Variants in PVR observed in about 807,000 individuals in gnomAD.
PVR encodes poliovirus receptor.
Under a neutral mutation model 43.3 loss-of-function variants are expected in PVR, and 39 were observed. The ratio of observed to expected loss-of-function variants is 0.90; its 90% confidence interval spans 0.70 to 1.18. The LOEUF (loss-of-function observed/expected upper bound fraction) is 1.18, where lower values mean the gene tolerates loss of function less well. Ranked by LOEUF, PVR falls within the 50% of genes most tolerant of loss-of-function variation. The pLI is 0.00. For missense variants in PVR, 480 were observed against 549.7 expected, an observed-to-expected ratio of 0.87 and a Z score of 1.27; for synonymous variants, 224 against 233.2, an observed-to-expected ratio of 0.96 and a Z score of 0.36.
intron 4 of PVR, 75 bp from the exon 5 acceptor site, chr19:44,657,687 A>C: frequency 6.7e-7 from 1 of 1,503,642 alleles, no homozygotes; most frequent in Non-Finnish European, 9.2e-7. Flanking sequence ...GTTTCTGGGC[A>C]CGTAGTGCGT....
intron 3 of PVR, among the ~76,000 whole-genome samples, chr19:44,650,948 C>T (rs1180476280): frequency 6.6e-6 from 1 of 151,958 alleles, no homozygotes; most frequent in Non-Finnish European, 1.5e-5. Context: ...ATGGTTCCTA[C>T]AGCCTCACCC....
Position 44,665,993 on chromosome 19 carries a change from G to A in PVR, c.*4182G>A, listed in dbSNP as rs963662648. 5 of 152,320 alleles carry A rather than the reference G, an allele frequency of 3.3e-5. No individual in the cohort carries two copies. The highest frequency in any genetic ancestry group is 1.2e-4 in the African/African-American group (5 of 41,452). 9.4% of individuals were successfully genotyped at this position (152,320 alleles called of 1,614,324 possible). A position where few individuals can be genotyped will look rare whatever the true frequency, so the allele number is the denominator to read the frequency against. On this transcript the variant is annotated 3_prime_UTR_variant, in exon 8 of 8. Coordinates refer to ENST00000425690, the MANE Select transcript of PVR (RefSeq NM_006505.5). ...CTGGACCAAACAGGACCTGCCCTCT[G>A]GGGCTGGGGAGAGGCCCAGATGAAG...
At chr19:44,651,362 C>T (rs1973275324) in intron 3 of PVR, among the ~76,000 whole-genome samples, 1 of 152,162 alleles carries the variant, frequency 6.6e-6, no homozygotes, top group Non-Finnish European at 1.5e-5. Flanking sequence ...CACTGGTTCT[C>T]CTAGGCACTC....
At position 44,661,787 on chromosome 19, in the gene PVR, T is replaced by C; in HGVS notation, c.1230T>C (p.Asp410=). 6.2e-7 allele frequency: 1 copy of C among 1,613,976 alleles called. No homozygotes were observed. Among genetic ancestry groups the C allele is most frequent in the East Asian group, 2.2e-5 (1 of 44,880 alleles). The change falls in exon 8 of 8, where the codon GAT becomes GAC. Residue 410 remains aspartate (D), a synonymous_variant. Coordinates refer to ENST00000425690, the MANE Select transcript of PVR (RefSeq NM_006505.5). ...AVSRENSSSQ[D]PQTEGTR ...GCAGAGAGAACAGCTCTTCCCAGGATCCACAGACAGAGGGCACAAGGTGAC... is the reference window on the plus strand; with the variant it reads ...GCAGAGAGAACAGCTCTTCCCAGGACCCACAGACAGAGGGCACAAGGTGAC...
At chr19:44,659,931 G>T (rs1389593452) in intron 6 of PVR, among the ~76,000 whole-genome samples, 2 of 152,202 alleles carry the variant, frequency 1.3e-5, no homozygotes, top group Non-Finnish European at 2.9e-5. Context: ...GAAGAAGCCA[G>T]ATCTTTGACT....
At chr19:44,646,237 C>T (rs1018569988) in intron 1 of PVR, among the ~76,000 whole-genome samples, 9 of 152,158 alleles carry the variant, frequency 5.9e-5, no homozygotes, top group South Asian at 2.1e-4. Context: ...AGCTCCACAG[C>T]AGAAAACTGA....
chr19:44,654,897 C>T (rs1973397949), intron 4 of PVR, among the ~76,000 whole-genome samples: 1 of 152,120 alleles, frequency 6.6e-6, no homozygotes, highest in Non-Finnish European at 1.5e-5. Flanking sequence ...CTTGTGTAAC[C>T]TACTTGGTTA....
chr19:44,646,457 G>A (rs1388358699), intron 1 of PVR, among the ~76,000 whole-genome samples: 1 of 152,108 alleles, frequency 6.6e-6, no homozygotes, highest in Non-Finnish European at 1.5e-5. Context: ...TGAAACCTAC[G>A]ACACTGGTGC....
At chr19:44,647,056 G>T (rs908761058) in intron 1 of PVR, among the ~76,000 whole-genome samples, 167 bp from the exon 2 acceptor site, 1 of 152,144 alleles carries the variant, frequency 6.6e-6, no homozygotes, top group Non-Finnish European at 1.5e-5. Context: ...CGCCTGCCAT[G>T]GCCCCAACTA....
At chr19:44,644,865 G>A (rs1973034310) in intron 1 of PVR, among the ~76,000 whole-genome samples, 1 of 147,174 alleles carries the variant, frequency 6.8e-6, no homozygotes, top group Non-Finnish European at 1.5e-5. Flanking sequence ...ACAGACATGT[G>A]CCACTATGCC....
intron 4 of PVR, among the ~76,000 whole-genome samples, chr19:44,655,518 A>G (rs1973419061): frequency 6.6e-6 from 1 of 152,222 alleles, no homozygotes; most frequent in African/African-American, 2.4e-5. Context: ...AGAAATACCC[A>G]GTGACCCCTT....
In PVR at chr19:44,645,413, G is replaced by GTATATATATATATATA. The variant is rs1278079157; in HGVS notation, c.79+1239_79+1240insATATATATATATATAT. ...ATTTTATTATTTATTTATATGTTTT[G>GTATATATATATATATA]TGTATATATATATATATATATATAT... On this transcript the variant is annotated intron_variant, in intron 1 of 7. Transcript: ENST00000425690. 2.4e-3 allele frequency among the ~76,000 whole-genome samples: 127 copies of GTATATATATATATATA among 52,034 alleles called. 4 individuals carry two copies. Among genetic ancestry groups the GTATATATATATATATA allele is most frequent in the African/African-American group, 0.011 (121 of 11,042 alleles). The allele number at this position is 52,034 out of a possible 152,430, so 34.1% of individuals were successfully genotyped here.
intron 3 of PVR, among the ~76,000 whole-genome samples, chr19:44,651,329 A>G (rs1006304221): frequency 6.6e-6 from 1 of 152,128 alleles, no homozygotes; most frequent in African/African-American, 2.4e-5. Context: ...ACCACTGTCT[A>G]TGTAAACACC....
rs1762336852 is a variant in PVR, at chr19:44,643,927, T to C, written c.-170T>C. 1.9e-6 allele frequency: 1 copy of C among 517,960 alleles called. No individual in the cohort carries two copies. Among genetic ancestry groups the C allele is most frequent in the South Asian group, 2.3e-5 (1 of 42,700 alleles). 32.1% of individuals were successfully genotyped at this position (517,960 alleles called of 1,614,324 possible). A position where few individuals can be genotyped will look rare whatever the true frequency, so the allele number is the denominator to read the frequency against. Reference sequence around the variant, plus strand: ...TCCGCTCCAGTCACTTGTCTGGAGCTTGAAGAAGTGGGTATTCCCCTTCCC... The same window carrying C: ...TCCGCTCCAGTCACTTGTCTGGAGCCTGAAGAAGTGGGTATTCCCCTTCCC... On this transcript the variant is annotated 5_prime_UTR_variant, in exon 1 of 8. Transcript: ENST00000425690.
chr19:44,661,165 A>C, intron 6 of PVR, 127 bp from the exon 7 acceptor site: 1 of 837,206 alleles, frequency 1.2e-6, no homozygotes, highest in Non-Finnish European at 2.0e-6. Context: ...CATTAAGGGA[A>C]ATGGCACCCC....
rs1180104037 is a variant in PVR at position 44,666,050 on chromosome 19, G to A, written c.*4239G>A. The A allele has an allele frequency of 6.6e-6, 1 of 152,230 alleles. No homozygotes were observed. The highest frequency in any genetic ancestry group is 1.5e-5 in the Non-Finnish European group (1 of 68,102). 9.4% of individuals were successfully genotyped at this position (152,230 alleles called of 1,614,324 possible). The stretch of plus-strand genomic sequence containing the variant: ...GGACAGGATGGACTCCTAGACCTCT[G>A]TTACCAGCAGTGACTACCTCTGTCT... On this transcript the variant is annotated 3_prime_UTR_variant, in exon 8 of 8. Coordinates refer to ENST00000425690, the MANE Select transcript of PVR (RefSeq NM_006505.5).
chr19:44,654,597 G>A (rs1208691184), intron 4 of PVR, among the ~76,000 whole-genome samples: 1 of 152,206 alleles, frequency 6.6e-6, no homozygotes, highest in African/African-American at 2.4e-5. Context: ...CCCTGCCCAG[G>A]TTAAAGACCA....
chr19:44,657,832 C>T lies in PVR; in HGVS notation c.913C>T (p.Pro305Ser), dbSNP rs973967862. ...GCTCCTGATCCGTCCTGTGGACAAA[C>T]CAATCAACACAACTTTAATCTGCAA... Reference protein sequence around the residue: ...AQLLIRPVDKPINTTLICNVT... With the variant: ...AQLLIRPVDKSINTTLICNVT... The change falls in exon 5 of 8, where the codon CCA (proline) becomes TCA (serine). Residue 305 changes from proline to serine, a missense_variant. By Grantham distance (74) the Pro-to-Ser change is moderately conservative (BLOSUM62 -1). Transcript: ENST00000425690. The T allele has an allele frequency of 2.5e-6, 4 of 1,614,036 alleles. No homozygotes were observed. Among genetic ancestry groups the T allele is most frequent in the Non-Finnish European group, 3.4e-6 (4 of 1,179,954 alleles).
intron 2 of PVR, among the ~76,000 whole-genome samples, 172 bp downstream of exon 2, chr19:44,647,742 G>T (rs1384404979): frequency 3.6e-5 from 5 of 139,640 alleles, no homozygotes; most frequent in African/African-American, 8.0e-5. Flanking sequence ...GTGGGGGGAG[G>T]TGAGTGGGGG....
Sources: gnomAD v4.1 joint callset for allele counts (sites outside exome capture counted in the v4.1 genomes callset) on GRCh38, gnomAD v4.1.1 for gene constraint, MANE v1.5 for transcripts, NCBI Gene and HGNC (gene_info 2026-07-23, HGNC 2026-07-21) for gene names.